ERMARD: variants seen among roughly 807,000 people sequenced by gnomAD.
ERMARD encodes the protein endoplasmic reticulum membrane-associated RNA degradation protein.
A neutral mutation model predicts 83.9 loss-of-function variants in ERMARD; 71 were observed. The ratio of observed to expected loss-of-function variants is 0.85; its 90% confidence interval spans 0.70 to 1.03. The LOEUF (loss-of-function observed/expected upper bound fraction) is 1.03. Ranked by LOEUF, ERMARD falls within the 50% of genes least tolerant of loss-of-function variation. The pLI, the probability that ERMARD is intolerant of heterozygous loss-of-function variation, is 0.00. For synonymous variants in ERMARD, 284 were observed against 298.6 expected, an observed-to-expected ratio of 0.95 and a Z score of 0.50; for missense variants, 838 against 810.9, an observed-to-expected ratio of 1.03 and a Z score of -0.41.
chr6:169,768,950 C>T lies in ERMARD; in HGVS notation c.1060-590C>T, dbSNP rs766876095. ...AACAGTCAGGCGACCTAGAATCATG[C>T]TCATGTTCTGTGACTTTAGACTCCG... On this transcript the variant is annotated intron_variant, in intron 11 of 17. Coordinates refer to ENST00000366773, the MANE Select transcript of ERMARD (RefSeq NM_018341.3). 3.3e-5 allele frequency among the ~76,000 whole-genome samples: 5 copies of T among 152,170 alleles called. No homozygotes were observed. The South Asian group carries it at 1.0e-3, about 32-fold the overall frequency.
At chr6:169,753,739 C>T in intron 1 of ERMARD, 125 bp from the exon 2 acceptor site, 8 of 592,416 alleles carry the variant, frequency 1.4e-5, no homozygotes, top group Non-Finnish European at 2.2e-5. Context: ...CTCACGATAT[C>T]CAGAAAGCAT....
At chr6:169,768,298 T>C (rs1296455636) in intron 11 of ERMARD, 127 bp downstream of exon 11, 7 of 794,594 alleles carry the variant, frequency 8.8e-6, no homozygotes, top group African/African-American at 1.7e-5. Context: ...ATTGCTGTGC[T>C]GTCTCAGCTT....
In ERMARD at chr6:169,775,334, G is replaced by T. The variant is rs758762077; in HGVS notation, c.1382G>T (p.Arg461Leu). The T allele has an allele frequency of 3.1e-6, 5 of 1,614,070 alleles. No individual in the cohort carries two copies. The highest frequency in any genetic ancestry group is 4.2e-6 in the Non-Finnish European group (5 of 1,179,952). ...CTGCCTTTCCCCGAAGAACTCACTCGGCAAGCCGTCAGGTGCGTGGCATCC... is the reference window on the plus strand; with the variant it reads ...CTGCCTTTCCCCGAAGAACTCACTCTGCAAGCCGTCAGGTGCGTGGCATCC... ...ALLPFPEELT[R>L]QAVRLEDNSE... Residue 461 changes from arginine (R) to leucine (L), a missense_variant, in exon 14 of 18, where the codon CGG (arginine) becomes CTG (leucine). By Grantham distance (102) the Arg-to-Leu change is moderately radical. Transcript: ENST00000366773.
chr6:169,781,585 G>A lies in ERMARD; in HGVS notation c.*72G>A. On this transcript the variant is annotated 3_prime_UTR_variant, in exon 18 of 18. Coordinates refer to ENST00000366773, the MANE Select transcript of ERMARD (RefSeq NM_018341.3). ...GTGTAAATTAAAAACCCAAAGACAG[G>A]GTGGAGTTGAGGGTCTGCTTGGCCA... 7.1e-7 allele frequency: 1 copy of A among 1,414,264 alleles called. No homozygotes were observed. Among genetic ancestry groups the A allele is most frequent in the East Asian group, 2.5e-5 (1 of 40,796 alleles). The allele number at this position is 1,414,264 out of a possible 1,614,324, so 87.6% of individuals were successfully genotyped here.
intron 6 of ERMARD, 129 bp downstream of exon 6, chr6:169,759,194 T>A: frequency 1.3e-6 from 1 of 782,446 alleles, no homozygotes; most frequent in Non-Finnish European, 2.1e-6. Context: ...ATTTTGAAGC[T>A]AAAATTGAAT....
chr6:169,761,264 T>C (rs1791516813), intron 8 of ERMARD, among the ~76,000 whole-genome samples: 1 of 152,262 alleles, frequency 6.6e-6, no homozygotes, highest in African/African-American at 2.4e-5. Flanking sequence ...TCCTCCAGGC[T>C]GAAGTGCATT....
chr6:169,766,748 A>T, intron 10 of ERMARD, 81 bp downstream of exon 10: 2 of 1,395,636 alleles, frequency 1.4e-6, no homozygotes, highest in Non-Finnish European at 1.9e-6. Context: ...ATGCAAAATT[A>T]AAGATCAGCC....
chr6:169,771,490 T>C (rs568441404), intron 12 of ERMARD: 36 of 152,332 alleles, frequency 2.4e-4, no homozygotes, highest in African/African-American at 8.7e-4. Flanking sequence ...TTAATAGTTA[T>C]TATTCTGTGT....
intron 5 of ERMARD, 23 bp downstream of exon 5, chr6:169,756,831 A>G: frequency 6.3e-7 from 1 of 1,599,402 alleles, no homozygotes; most frequent in Non-Finnish European, 8.6e-7. Flanking sequence ...ATCTAAACTC[A>G]TGGAGTATAT....
At chr6:169,764,887 G>A (rs1455807563) in intron 9 of ERMARD, among the ~76,000 whole-genome samples, 1 of 152,252 alleles carries the variant, frequency 6.6e-6, no homozygotes, top group Non-Finnish European at 1.5e-5. Context: ...CTACTCAAAG[G>A]TGGAGGCTGC....
chr6:169,751,671 G>C lies in ERMARD; in HGVS notation c.6+8G>C. The C allele has an allele frequency of 5.1e-6, 8 of 1,554,956 alleles. No homozygotes were observed. Among genetic ancestry groups the C allele is most frequent in the Non-Finnish European group, 7.0e-6 (8 of 1,149,652 alleles). On this transcript the variant is annotated splice_region_variant and intron_variant, in intron 1 of 17. Coordinates refer to ENST00000366773, the MANE Select transcript of ERMARD (RefSeq NM_018341.3). ...GCACCGGAAGTTATGGAGGTAGGGC[G>C]GGTGTAGGGCCCGGTTCGATCCCGA... is the stretch of plus-strand genomic sequence containing the variant.
rs565377021 is a variant in ERMARD, at chr6:169,781,222, T to A, written c.1854-108T>A. 3.0e-5 allele frequency: 29 copies of A among 968,486 alleles called. No individual in the cohort carries two copies. The African/African-American group carries it at 4.6e-4, about 15-fold the overall frequency. 60.0% of individuals were successfully genotyped at this position (968,486 alleles called of 1,614,324 possible). A position where few individuals can be genotyped will look rare whatever the true frequency, so the allele number is the denominator to read the frequency against. On this transcript the variant is annotated intron_variant, in intron 17 of 17. Coordinates refer to ENST00000366773, the MANE Select transcript of ERMARD (RefSeq NM_018341.3). ...TTTTTCTTGAATCCTCAGACATAAA[T>A]TAACTGCAGTTTACTTTAGGAATAA...
chr6:169,776,919 G>A (rs149047366), intron 16 of ERMARD, among the ~76,000 whole-genome samples: 8 of 152,320 alleles, frequency 5.3e-5, no homozygotes, highest in South Asian at 4.1e-4. Context: ...AGGCCCTGAC[G>A]GCATGTACCC....
intron 14 of ERMARD, 176 bp from the exon 15 acceptor site, chr6:169,775,764 A>G (rs755543427): frequency 2.5e-6 from 2 of 790,624 alleles, no homozygotes; most frequent in Non-Finnish European, 3.9e-6. Flanking sequence ...CTCTTGGCAT[A>G]TGGCATCGTT....
chr6:169,779,038 G>A (rs1428729033), intron 16 of ERMARD, 144 bp from the exon 17 acceptor site: 1 of 742,346 alleles, frequency 1.3e-6, no homozygotes, highest in East Asian at 2.7e-5. Context: ...GCTGGAAGCA[G>A]GCATTGGGCT....
intron 13 of ERMARD, 147 bp downstream of exon 13, chr6:169,773,549 G>A: frequency 1.4e-6 from 1 of 695,728 alleles, no homozygotes; most frequent in Non-Finnish European, 2.4e-6. Flanking sequence ...GGGGCCTGCT[G>A]TGGCGCTGGC....
chr6:169,756,013 T>C (rs760724838), intron 3 of ERMARD, among the ~76,000 whole-genome samples: 3 of 152,206 alleles, frequency 2.0e-5, no homozygotes, highest in Non-Finnish European at 4.4e-5. Context: ...GATGAGTGCC[T>C]TGTGTGTATC....
rs958132244 is a variant in ERMARD at position 169,773,235 on chromosome 6, G to A, written c.1234-84G>A. ...TTTGAAGAAAGATAATGAGAAATGG[G>A]GACTCTAAGTGGCCTACAGTTCAAT... On this transcript the variant is annotated intron_variant, in intron 12 of 17. Coordinates refer to ENST00000366773, the MANE Select transcript of ERMARD (RefSeq NM_018341.3). 9.4e-5 allele frequency: 97 copies of A among 1,032,402 alleles called. 1 individual carries two copies. The highest frequency in any genetic ancestry group is 8.6e-4 in the Middle Eastern group (4 of 4,672). 64.0% of individuals were successfully genotyped at this position (1,032,402 alleles called of 1,614,324 possible).
In ERMARD at chr6:169,776,009, C is replaced by G. The variant is rs1455869610; in HGVS notation, c.1464C>G (p.His488Gln). 1.2e-6 allele frequency: 2 copies of G among 1,614,106 alleles called. No homozygotes were observed. Among genetic ancestry groups the G allele is most frequent in the African/African-American group, 2.7e-5 (2 of 74,936 alleles). The stretch of plus-strand genomic sequence containing the variant: ...CAAAAATGACGGATGAGCTGTATCA[C>G]CATATGCCTGAGAATCGTTGTGTGT... ...LITKMTDELY[H>Q]HMPENRCVLK... The change falls in exon 15 of 18, where the codon CAC becomes CAG. Residue 488 changes from histidine (H) to glutamine (Q), a missense_variant. Physicochemically the swap from His to Gln is conservative, Grantham distance 24 (BLOSUM62 0). Transcript: ENST00000366773.
Sources: gnomAD v4.1 joint callset for allele counts (sites outside exome capture counted in the v4.1 genomes callset) on GRCh38, gnomAD v4.1.1 for gene constraint, MANE v1.5 for transcripts, NCBI Gene and HGNC (gene_info 2026-07-23, HGNC 2026-07-21) for gene names.